MTG1: variants seen among roughly 807,000 people sequenced by gnomAD.
MTG1 encodes mitochondrial ribosome associated GTPase 1.
A neutral mutation model predicts 39.5 loss-of-function variants in MTG1; 30 were observed. That is an observed-to-expected ratio of 0.76 (90% CI 0.57 to 1.03). The LOEUF (loss-of-function observed/expected upper bound fraction) is 1.03, where lower values mean the gene tolerates loss of function less well. MTG1 is among the 50% of genes least tolerant of loss of function. The pLI is 0.00. For synonymous variants in MTG1, 217 were observed against 179.0 expected, an observed-to-expected ratio of 1.21 and a Z score of -1.69; for missense variants, 513 against 447.4, an observed-to-expected ratio of 1.15 and a Z score of -1.32.
chr10:133,420,140 ACCCCCCGGCTGAGACTTTG>A lies in MTG1; in HGVS notation c.984_1002del (p.Pro329GlufsTer22). 1 of 1,611,580 alleles carries A rather than the reference ACCCCCCGGCTGAGACTTTG, an allele frequency of 6.2e-7. No homozygotes were observed. The highest frequency in any genetic ancestry group is 8.5e-7 in the Non-Finnish European group (1 of 1,178,994). On this transcript the variant is annotated frameshift_variant, in exon 11 of 11. Transcript: ENST00000317502. LOFTEE classifies it low-confidence loss of function (END_TRUNC). ...CTGGACCTCGACGTCCTGCGGGGCC[ACCCCCCGGCTGAGACTTTG>A]CCCTGAACTTGTCCGGGTAGGGAGG...
intron 9 of MTG1, among the ~76,000 whole-genome samples, chr10:133,408,455 G>T (rs1042380791): frequency 1.3e-5 from 2 of 152,220 alleles, no homozygotes; most frequent in Non-Finnish European, 2.9e-5. Context: ...AATTTGGGTT[G>T]CTGGTCATTT....
At chr10:133,408,407 A>T (rs1589915262) in intron 9 of MTG1, among the ~76,000 whole-genome samples, 1 of 152,172 alleles carries the variant, frequency 6.6e-6, no homozygotes, top group African/African-American at 2.4e-5. Context: ...GACACATCCC[A>T]CTTGATCGTG....
chr10:133,404,044 C>G (rs1334518728), intron 9 of MTG1, among the ~76,000 whole-genome samples: 2 of 149,316 alleles, frequency 1.3e-5, no homozygotes, highest in East Asian at 2.0e-4. Context: ...TTTGTCATCC[C>G]TCTCTGGGGA....
At chr10:133,394,589 C>T (rs927088802) in intron 1 of MTG1, 4 of 1,312,280 alleles carry the variant, frequency 3.0e-6, no homozygotes, top group South Asian at 4.0e-5. Context: ...CCTGCTTGAC[C>T]TCCTACCTCT....
chr10:133,398,381 CAG>C, intron 3 of MTG1, 52 bp from the exon 4 acceptor site: 1 of 1,571,902 alleles, frequency 6.4e-7, no homozygotes, highest in Non-Finnish European at 8.7e-7. Flanking sequence ...GCCTGGGTGA[CAG>C]AGCCAAGACT....
intron 9 of MTG1, among the ~76,000 whole-genome samples, chr10:133,416,478 G>GT (rs1317698030): frequency 6.6e-6 from 1 of 151,156 alleles, no homozygotes; most frequent in African/African-American, 2.4e-5. Context: ...ATGTACACAT[G>GT]TGCCATGCTG....
chr10:133,402,674 C>T lies in MTG1; in HGVS notation c.671-18C>T, dbSNP rs376386513. On this transcript the variant is annotated intron_variant, in intron 8 of 10. Transcript: ENST00000317502. This position sits in a 1 kb window ranked among gnomAD's most constrained non-coding sequence, Gnocchi z 4.7. ...ATGTGGCTGTTTCCAGTGCTCACCT[C>T]GGCTGCTGCTTCCACAGGAACGGTG... The T allele has an allele frequency of 8.6e-5, 136 of 1,590,330 alleles. No individual in the cohort carries two copies. Among genetic ancestry groups the T allele is most frequent in the Non-Finnish European group, 1.0e-4 (122 of 1,168,368 alleles).
At chr10:133,398,220 C>T (rs1245079133) in intron 3 of MTG1, among the ~76,000 whole-genome samples, 1 of 152,198 alleles carries the variant, frequency 6.6e-6, no homozygotes, top group African/African-American at 2.4e-5. Flanking sequence ...GCACTAGTTT[C>T]ACTGCATGTT....
At chr10:133,397,779 G>GTTTTTT (rs35859911) in intron 3 of MTG1, among the ~76,000 whole-genome samples, 7 of 139,488 alleles carry the variant, frequency 5.0e-5, no homozygotes, top group South Asian at 2.4e-4. Context: ...CGTCCAGCCT[G>GTTTTTT]TTTTTTTTTT....
At chr10:133,399,266 C>A in intron 5 of MTG1, 40 bp downstream of exon 5, 1 of 1,607,530 alleles carries the variant, frequency 6.2e-7, no homozygotes, top group South Asian at 1.1e-5. Flanking sequence ...GGGAGGCGGG[C>A]GTGGGATGGG....
chr10:133,419,954 C>T, intron 10 of MTG1, 72 bp from the exon 11 acceptor site: 1 of 1,515,376 alleles, frequency 6.6e-7, no homozygotes, highest in Non-Finnish European at 8.9e-7. Flanking sequence ...AGGGCTGGTC[C>T]CTCAGGTGGG....
At chr10:133,394,512 C>T (rs1254277719) in intron 1 of MTG1, 180 bp downstream of exon 1, 2 of 1,331,664 alleles carry the variant, frequency 1.5e-6, no homozygotes, top group Non-Finnish European at 1.9e-6. Flanking sequence ...GGGACCCCTT[C>T]CCCTGCGCAG....
chr10:133,414,244 A>G (rs1327013662), intron 9 of MTG1, among the ~76,000 whole-genome samples: 2 of 150,892 alleles, frequency 1.3e-5, no homozygotes, highest in Admixed American at 1.3e-4. Context: ...AAGGTCACAG[A>G]TCAACAGGAT....
chr10:133,394,881 G>A (rs965169199), intron 1 of MTG1: 3 of 349,648 alleles, frequency 8.6e-6, no homozygotes, highest in African/African-American at 4.5e-5. Flanking sequence ...CCACTCCTGC[G>A]TCGGCTCCGC....
rs1281538818 is a variant in MTG1 at position 133,421,396 on chromosome 10, C to G, written c.*1231C>G. 2.9e-4 allele frequency: 44 copies of G among 153,274 alleles called. No homozygotes were observed. 9.5% of individuals were successfully genotyped at this position (153,274 alleles called of 1,614,324 possible). A position where few individuals can be genotyped will look rare whatever the true frequency, so the allele number is the denominator to read the frequency against. On this transcript the variant is annotated 3_prime_UTR_variant, in exon 11 of 11. Coordinates refer to ENST00000317502, the MANE Select transcript of MTG1 (RefSeq NM_138384.4). ...GTGTGAGGGTCTGGTGCAGCTCAGC[C>G]CATTTTCCAGGTGGGCATCTGCAAA...
In MTG1 at chr10:133,402,045, T is replaced by C; in HGVS notation, c.574-104T>C. On this transcript the variant is annotated intron_variant, in intron 7 of 10. Coordinates refer to ENST00000317502, the MANE Select transcript of MTG1 (RefSeq NM_138384.4). The surrounding 1 kb of genome is among the most constrained non-coding windows in gnomAD (Gnocchi z 4.7). ...GCCATGGGGTTGGGTCCCTGAGGCC[T>C]TCCTCGGAGCATTGGGTGCCAGGGG... The C allele has an allele frequency of 7.0e-7, 1 of 1,421,262 alleles. No homozygotes were observed. The highest frequency in any genetic ancestry group is 9.8e-7 in the Non-Finnish European group (1 of 1,018,102). 88.0% of individuals were successfully genotyped at this position (1,421,262 alleles called of 1,614,324 possible).
intron 9 of MTG1, among the ~76,000 whole-genome samples, chr10:133,409,065 T>A (rs756961174): frequency 2.0e-5 from 3 of 152,154 alleles, no homozygotes; most frequent in African/African-American, 7.2e-5. Context: ...TCTCTGTTAT[T>A]TCTCTTCTTC....
chr10:133,394,851 C>A, intron 1 of MTG1: 2 of 629,468 alleles, frequency 3.2e-6, no homozygotes, highest in Non-Finnish European at 4.0e-6. Flanking sequence ...CCAGCCCAGC[C>A]CGTCTAGGTG....
At chr10:133,403,030 TC>T (rs1849911201) in intron 9 of MTG1, among the ~76,000 whole-genome samples, 1 of 145,024 alleles carries the variant, frequency 6.9e-6, no homozygotes, top group Non-Finnish European at 1.5e-5. Flanking sequence ...AAACGAGCGT[TC>T]CCGTCACCCC....
Sources: gnomAD v4.1 joint callset for allele counts (sites outside exome capture counted in the v4.1 genomes callset) on GRCh38, gnomAD v4.1.1 for gene constraint, Gnocchi (gnomAD v3.1) non-coding constraint, MANE v1.5 for transcripts, NCBI Gene and HGNC (gene_info 2026-07-23, HGNC 2026-07-21) for gene names.